The following TRAPPC12 variants were observed in gnomAD, a reference collection of about 807,000 sequenced individuals.
TRAPPC12 encodes trafficking protein particle complex subunit 12, also known as TPR repeat protein 15.
In TRAPPC12, 61 loss-of-function variants were observed where a neutral mutation model predicts 69.2. The ratio of observed to expected loss-of-function variants is 0.88; its 90% CI spans 0.72 to 1.09. The LOEUF (loss-of-function observed/expected upper bound fraction) is 1.09. Ranked by LOEUF, TRAPPC12 falls within the 50% of genes least tolerant of loss-of-function variation. TRAPPC12 has a pLI of 0.00. For synonymous variants in TRAPPC12, 469 were observed against 438.9 expected (o/e 1.07, Z -0.86); for missense variants, 1,101 against 1,016.4 (o/e 1.08, Z -1.13).
chr2:3,436,925 CCCA>C (rs1663829986), intron 5 of TRAPPC12, among the ~76,000 whole-genome samples: 1 of 141,616 alleles, frequency 7.1e-6, no homozygotes, highest in African/African-American at 2.7e-5. Flanking sequence ...GATTAATCCC[CCCA>C]CCACCCCTGG....
intron 3 of TRAPPC12, among the ~76,000 whole-genome samples, chr2:3,418,703 AAGG>A (rs752885129): frequency 6.6e-6 from 1 of 152,078 alleles, no homozygotes; most frequent in African/African-American, 2.4e-5. Flanking sequence ...GGGGCGTCCA[AAGG>A]ATGTGCACAG....
intron 2 of TRAPPC12, among the ~76,000 whole-genome samples, chr2:3,397,902 C>T (rs796497834): frequency 6.8e-4 from 103 of 152,276 alleles, no homozygotes; most frequent in African/African-American, 2.3e-3. Flanking sequence ...TGGGATTCTC[C>T]TCCTGCAATG....
chr2:3,458,070 TCTGCGTCGGGGACAGAGG>T, intron 7 of TRAPPC12: 2 of 449,008 alleles, frequency 4.5e-6, no homozygotes, highest in South Asian at 2.1e-4. Flanking sequence ...GACAGAGGCC[TCTGCGTCGGGGACAGAGG>T]CTCGGGAGGG....
chr2:3,470,015 G>A (rs575083098), intron 9 of TRAPPC12, among the ~76,000 whole-genome samples: 1 of 152,332 alleles, frequency 6.6e-6, no homozygotes, highest in South Asian at 2.1e-4. Flanking sequence ...CCAGACCAGG[G>A]AGGATTTGGG....
At chr2:3,433,751 A>G (rs190823369) in intron 5 of TRAPPC12, among the ~76,000 whole-genome samples, 324 of 152,386 alleles carry the variant, frequency 2.1e-3, no homozygotes, top group Non-Finnish European at 4.1e-3. Context: ...TGTTTTCTAA[A>G]TGATGAATGA....
rs566927112 is a variant in TRAPPC12 at position 3,471,632 on chromosome 2, T to A, written c.1776+5937T>A. On this transcript the variant is annotated intron_variant, in intron 9 of 11. Coordinates refer to ENST00000324266, the MANE Select transcript of TRAPPC12 (RefSeq NM_016030.6). The stretch of plus-strand genomic sequence containing the variant: ...GTGTTGTAAGCAAGATTGAAGTCAT[T>A]TGTATTCCAGAGGAGTTTCTCACAT... Among the ~76,000 whole-genome samples, 7 of 152,268 alleles carry A rather than the reference T, an allele frequency of 4.6e-5. No individual in the cohort carries two copies. The East Asian group carries it at 1.2e-3, about 25-fold the overall frequency.
At chr2:3,452,018 C>T (rs926522041) in intron 6 of TRAPPC12, among the ~76,000 whole-genome samples, 1 of 152,174 alleles carries the variant, frequency 6.6e-6, no homozygotes, top group African/African-American at 2.4e-5. Context: ...GATGTATGAC[C>T]TTCCTATTTC....
At chr2:3,462,605 G>A (rs1461668349) in intron 8 of TRAPPC12, among the ~76,000 whole-genome samples, 1 of 152,216 alleles carries the variant, frequency 6.6e-6, no homozygotes, top group African/African-American at 2.4e-5. Context: ...GCAATGAAAT[G>A]TATTCATACG....
rs557589535 is a variant in TRAPPC12, at chr2:3,384,425, T to G, written c.-4-3195T>G. On this transcript the variant is annotated intron_variant, in intron 1 of 11. Coordinates refer to ENST00000324266, the MANE Select transcript of TRAPPC12 (RefSeq NM_016030.6). ...AGAGAATGCTTTAAACGTTTCACTG[T>G]TAATTTGAGGTTTCCTTTAGGTTTT... Among the ~76,000 whole-genome samples the G allele has an allele frequency of 4.6e-5, 7 of 152,358 alleles. No individual in the cohort carries two copies. In the East Asian group the frequency reaches 1.3e-3, roughly 29 times the overall value.
chr2:3,408,965 C>T (rs542287684), intron 3 of TRAPPC12, among the ~76,000 whole-genome samples: 4 of 152,320 alleles, frequency 2.6e-5, no homozygotes, highest in South Asian at 4.2e-4. Flanking sequence ...CGGCCCGCTG[C>T]GGCACAGAGC....
At chr2:3,405,170 C>CT (rs1661658251) in intron 3 of TRAPPC12, among the ~76,000 whole-genome samples, 1 of 91,654 alleles carries the variant, frequency 1.1e-5, no homozygotes, top group Non-Finnish European at 2.1e-5. Flanking sequence ...CTTGAGATGT[C>CT]TTTTTTTGGG....
chr2:3,395,978 C>G (rs1247920465), intron 2 of TRAPPC12, among the ~76,000 whole-genome samples: 1 of 152,174 alleles, frequency 6.6e-6, no homozygotes, highest in Non-Finnish European at 1.5e-5. Context: ...GATCTGCTCA[C>G]CTCAGCTTCC....
At chr2:3,461,035 T>C (rs1665464450) in intron 8 of TRAPPC12, 1 of 152,374 alleles carries the variant, frequency 6.6e-6, no homozygotes, top group African/African-American at 2.4e-5. Flanking sequence ...TCCGGAGCAG[T>C]GCTCGTAACA....
intron 5 of TRAPPC12, among the ~76,000 whole-genome samples, chr2:3,429,912 A>G (rs1663332504): frequency 6.6e-6 from 1 of 152,230 alleles, no homozygotes; most frequent in Non-Finnish European, 1.5e-5. Context: ...CATTGCTGAT[A>G]CAGCCTGTGA....
At chr2:3,450,481 C>G (rs1281103418) in intron 6 of TRAPPC12, among the ~76,000 whole-genome samples, 1 of 152,196 alleles carries the variant, frequency 6.6e-6, no homozygotes, top group Non-Finnish European at 1.5e-5. Flanking sequence ...GGCTGCATGA[C>G]CAGCCCTCCA....
intron 5 of TRAPPC12, among the ~76,000 whole-genome samples, chr2:3,427,737 CA>C (rs770813920): frequency 6.6e-6 from 1 of 152,108 alleles, no homozygotes; most frequent in Admixed American, 6.5e-5. Context: ...ACTAAAAATA[CA>C]AAAAATTAGC....
intron 3 of TRAPPC12, among the ~76,000 whole-genome samples, chr2:3,420,762 G>A (rs1401976035): frequency 6.6e-6 from 1 of 152,214 alleles, no homozygotes; most frequent in Admixed American, 6.5e-5. Context: ...CAGGTCCTGA[G>A]TTCTCTGTGT....
chr2:3,439,197 T>C (rs1437298204), intron 5 of TRAPPC12, among the ~76,000 whole-genome samples: 14 of 152,248 alleles, frequency 9.2e-5, no homozygotes, highest in Admixed American at 8.5e-4. Flanking sequence ...TAATGACATA[T>C]GATGATGAGC....
At chr2:3,445,357 T>C (rs922764144) in intron 6 of TRAPPC12, among the ~76,000 whole-genome samples, 1 of 151,800 alleles carries the variant, frequency 6.6e-6, no homozygotes, top group African/African-American at 2.4e-5. Context: ...TGCACTCCAG[T>C]CTGGGCAACA....
Sources: allele counts gnomAD v4.1 joint callset (sites outside exome capture counted in the v4.1 genomes callset), GRCh38; gene constraint gnomAD v4.1.1; transcripts MANE v1.5; gene names NCBI Gene and HGNC (gene_info 2026-07-23, HGNC 2026-07-21).